EFNB3: variants seen among roughly 807,000 people sequenced by gnomAD.
EFNB3 encodes the protein ephrin-B3.
Under a neutral mutation model 29.8 loss-of-function variants are expected in EFNB3, and 14 were observed. That is an observed-to-expected ratio of 0.47 (90% CI 0.31 to 0.73). The LOEUF (loss-of-function observed/expected upper bound fraction) is 0.73, where lower values mean the gene tolerates loss of function less well. EFNB3 is among the 30% of genes least tolerant of loss of function. The pLI is 0.05. For synonymous variants in EFNB3, 216 were observed against 191.6 expected, an observed-to-expected ratio of 1.13 and a Z score of -1.05; for missense variants, 408 against 458.0, an observed-to-expected ratio of 0.89 and a Z score of 1.00.
In EFNB3 at chr17:7,710,715, G is replaced by A. The variant is rs1279313016; in HGVS notation, c.*1139G>A. 3 of 152,648 alleles carry A rather than the reference G, an allele frequency of 2.0e-5. No individual in the cohort carries two copies. The highest frequency in any genetic ancestry group is 2.9e-5 in the Non-Finnish European group (2 of 68,076). The allele number at this position is 152,648 out of a possible 1,614,324, so 9.5% of individuals were successfully genotyped here. On this transcript the variant is annotated 3_prime_UTR_variant, in exon 5 of 5. Coordinates refer to ENST00000226091, the MANE Select transcript of EFNB3 (RefSeq NM_001406.4). ...AGAAGGACTTTTCCCAGTCTTCAGT[G>A]GCACTTCCCAAGATCTCCCTTCCCT...
chr17:7,708,516 G>A lies in EFNB3; in HGVS notation c.497G>A (p.Arg166Gln), dbSNP rs1165640333. The A allele has an allele frequency of 4.3e-6, 7 of 1,613,700 alleles. No individual in the cohort carries two copies. Among genetic ancestry groups the A allele is most frequent in the East Asian group, 2.2e-5 (1 of 44,868 alleles). ...ACCAGAGGCATGAAGGTGCTTCTCC[G>A]AGTGGGACAAAGTGAGTGGGGCTGG... The part of the protein sequence containing the change: ...CLTRGMKVLL[R>Q]VGQSPRGGAV... Residue 166 changes from arginine (R) to glutamine (Q), a missense_variant, in exon 3 of 5, where the codon CGA becomes CAA. Arg to Gln is a conservative substitution (Grantham distance 43). This residue lies in a region of EFNB3 where 47 missense variants were observed against 86.6 expected (regional missense o/e 0.54). Transcript: ENST00000226091. This position sits in a 1 kb window ranked among gnomAD's most constrained non-coding sequence, Gnocchi z 6.8.
chr17:7,707,114 G>C (rs567991197), intron 1 of EFNB3, among the ~76,000 whole-genome samples: 1 of 152,212 alleles, frequency 6.6e-6, no homozygotes, highest in East Asian at 1.9e-4. Context: ...CAGTCCCCTG[G>C]GACCCAGTCC....
In EFNB3 at chr17:7,708,749, A is replaced by G; in HGVS notation, c.613+10A>G. 1 of 1,547,728 alleles carries G rather than the reference A, an allele frequency of 6.5e-7. No homozygotes were observed. Among genetic ancestry groups the G allele is most frequent in the East Asian group, 2.4e-5 (1 of 41,104 alleles). ...AAGGAGAACCTGCCAGGTAGGAACC[A>G]GGGGCTAGGCCCCTGCCTTCCCCAG... On this transcript the variant is annotated intron_variant, in intron 4 of 4. Coordinates refer to ENST00000226091, the MANE Select transcript of EFNB3 (RefSeq NM_001406.4). The surrounding 1 kb of genome is among the most constrained non-coding windows in gnomAD (Gnocchi z 6.8).
chr17:7,710,720 T>C lies in EFNB3; in HGVS notation c.*1144T>C, dbSNP rs1027217765. 6.5e-6 allele frequency: 1 copy of C among 152,706 alleles called. No individual in the cohort carries two copies. The highest frequency in any genetic ancestry group is 2.4e-5 in the African/African-American group (1 of 41,456). 9.5% of individuals were successfully genotyped at this position (152,706 alleles called of 1,614,324 possible). A position where few individuals can be genotyped will look rare whatever the true frequency, so the allele number is the denominator to read the frequency against. On this transcript the variant is annotated 3_prime_UTR_variant, in exon 5 of 5. Transcript: ENST00000226091. The stretch of plus-strand genomic sequence containing the variant: ...GACTTTTCCCAGTCTTCAGTGGCAC[T>C]TCCCAAGATCTCCCTTCCCTTGTGC...
At position 7,709,554 on chromosome 17, in the gene EFNB3, C is replaced by G. The variant is rs775940145; in HGVS notation, c.1001C>G (p.Pro334Arg). Residue 334 changes from proline (P) to arginine (R), a missense_variant, in exon 5 of 5, where the codon CCA (proline) becomes CGA (arginine). Physicochemically the swap from Pro to Arg is moderately radical, Grantham distance 103. Around this residue, in one of 3 missense-constraint regions of EFNB3, gnomAD observed 233 missense variants for 230.7 expected, o/e 1.01. Coordinates refer to ENST00000226091, the MANE Select transcript of EFNB3 (RefSeq NM_001406.4). This position sits in a 1 kb window ranked among gnomAD's most constrained non-coding sequence, Gnocchi z 4.5. ...CAGGATGGGCCCCCCCAGAGCCCTC[C>G]AAACATCTACTACAAGGTATGAGGG... ...IVQDGPPQSP[P>R]NIYYKV 1 of 1,613,928 alleles carries G rather than the reference C, an allele frequency of 6.2e-7. No individual in the cohort carries two copies. The highest frequency in any genetic ancestry group is 1.1e-5 in the South Asian group (1 of 91,070).
rs117584963 is a variant in EFNB3, at chr17:7,706,873, C to T, written c.123-1085C>T. ...GCCTCCCTCACACTTCTCTGCTCTG[C>T]CATCCCTCCCTCTCTTTTCCCTGGA... On this transcript the variant is annotated intron_variant, in intron 1 of 4. Transcript: ENST00000226091. Among the ~76,000 whole-genome samples, 1,113 of 152,320 alleles carry T rather than the reference C, an allele frequency of 7.3e-3. 5 individuals carry two copies. Among genetic ancestry groups the T allele is most frequent in the Non-Finnish European group, 8.1e-3 (553 of 68,036 alleles).
chr17:7,708,169 C>T lies in EFNB3; in HGVS notation c.334C>T (p.Arg112Cys). 1.2e-6 allele frequency: 2 copies of T among 1,613,768 alleles called. No individual in the cohort carries two copies. The highest frequency in any genetic ancestry group is 1.7e-6 in the Non-Finnish European group (2 of 1,180,018). ...TTGTGATCGCCCAGACCTGGATCTC[C>T]GCTTCACCATCAAGTTCCAGGAGTA... ...LTCDRPDLDL[R>C]FTIKFQEYSP... is the part of the protein sequence containing the mutation. Residue 112 changes from arginine (R) to cysteine (C), a missense_variant, in exon 2 of 5, where the codon CGC becomes TGC. Physicochemically the swap from Arg to Cys is radical, Grantham distance 180. Around this residue, in one of 3 missense-constraint regions of EFNB3, gnomAD observed 47 missense variants for 86.6 expected, o/e 0.54. Transcript: ENST00000226091. This position sits in a 1 kb window ranked among gnomAD's most constrained non-coding sequence, Gnocchi z 6.8.
rs1252525016 is a variant in EFNB3 at position 7,710,463 on chromosome 17, G to A, written c.*887G>A. Reference sequence around the variant, plus strand: ...ACCAGGCCCGGACAGAAATGGCCTGGGAAGTAGCAGAAGCAGTGCAGCAGG... The same window carrying A: ...ACCAGGCCCGGACAGAAATGGCCTGAGAAGTAGCAGAAGCAGTGCAGCAGG... On this transcript the variant is annotated 3_prime_UTR_variant, in exon 5 of 5. Coordinates refer to ENST00000226091, the MANE Select transcript of EFNB3 (RefSeq NM_001406.4). 1 of 152,760 alleles carries A rather than the reference G, an allele frequency of 6.5e-6. No homozygotes were observed. The highest frequency in any genetic ancestry group is 2.4e-5 in the African/African-American group (1 of 41,458). The allele number at this position is 152,760 out of a possible 1,614,324, so 9.5% of individuals were successfully genotyped here. A position where few individuals can be genotyped will look rare whatever the true frequency, so the allele number is the denominator to read the frequency against.
At position 7,708,259 on chromosome 17, in the gene EFNB3, G is replaced by A; in HGVS notation, c.415+9G>A. 4.4e-6 allele frequency: 7 copies of A among 1,607,442 alleles called. No homozygotes were observed. The highest frequency in any genetic ancestry group is 5.9e-6 in the Non-Finnish European group (7 of 1,178,644). ...CGATTACTACATCATTGGTACTGCT[G>A]GGCAGAGGGCACGATTGAGTGGGGG... On this transcript the variant is annotated intron_variant, in intron 2 of 4. Transcript: ENST00000226091. The surrounding 1 kb of genome is among the most constrained non-coding windows in gnomAD (Gnocchi z 6.8).
intron 1 of EFNB3, among the ~76,000 whole-genome samples, chr17:7,707,068 GTGGGACACTTGGGAGTC>G (rs2074329920): frequency 6.6e-6 from 1 of 152,176 alleles, no homozygotes; most frequent in Non-Finnish European, 1.5e-5. Context: ...TGGGGTGGGA[GTGGGACACTTGGGAGTC>G]TGGGAAGATA....
chr17:7,708,344 G>A lies in EFNB3; in HGVS notation c.416-91G>A. Reference sequence around the variant, plus strand: ...CTGCAGCCAAGAGGGAGATCCCAGTGCCCTCAGGCAGTGTTCACACCAGGG... The same window carrying A: ...CTGCAGCCAAGAGGGAGATCCCAGTACCCTCAGGCAGTGTTCACACCAGGG... On this transcript the variant is annotated intron_variant, in intron 2 of 4. Coordinates refer to ENST00000226091, the MANE Select transcript of EFNB3 (RefSeq NM_001406.4). The surrounding 1 kb of genome is among the most constrained non-coding windows in gnomAD (Gnocchi z 6.8). 2 of 1,581,548 alleles carry A rather than the reference G, an allele frequency of 1.3e-6. No individual in the cohort carries two copies. Among genetic ancestry groups the A allele is most frequent in the Non-Finnish European group, 1.7e-6 (2 of 1,161,894 alleles).
rs1245529213 is a variant in EFNB3 at position 7,708,929 on chromosome 17, C to T, written c.613+190C>T. Among the ~76,000 whole-genome samples, 2 of 152,180 alleles carry T rather than the reference C, an allele frequency of 1.3e-5. No individual in the cohort carries two copies. The highest frequency in any genetic ancestry group is 2.9e-5 in the Non-Finnish European group (2 of 68,028). ...AAAAGACTCAATTAGAACTAATTAGCCAAGTCAGTGCTTCAATCAGTGCTG... is the reference window on the plus strand; with the variant it reads ...AAAAGACTCAATTAGAACTAATTAGTCAAGTCAGTGCTTCAATCAGTGCTG... On this transcript the variant is annotated intron_variant, in intron 4 of 4. Transcript: ENST00000226091. This position sits in a 1 kb window ranked among gnomAD's most constrained non-coding sequence, Gnocchi z 6.8.
intron 1 of EFNB3, among the ~76,000 whole-genome samples, chr17:7,706,112 C>A (rs2074326887): frequency 6.7e-6 from 1 of 150,268 alleles, no homozygotes; most frequent in African/African-American, 2.5e-5. Context: ...GAGGGGAAGG[C>A]AGGGCAGGGT....
chr17:7,707,786 G>A (rs1033410614), intron 1 of EFNB3, among the ~76,000 whole-genome samples, 172 bp from the exon 2 acceptor site: 1 of 152,204 alleles, frequency 6.6e-6, no homozygotes, highest in African/African-American at 2.4e-5. Flanking sequence ...CAATGTGAAT[G>A]CACAGAGTCC....
In EFNB3 at chr17:7,705,483, G is replaced by A. The variant is rs2074324131; in HGVS notation, c.-116G>A. On this transcript the variant is annotated 5_prime_UTR_variant, in exon 1 of 5. Coordinates refer to ENST00000226091, the MANE Select transcript of EFNB3 (RefSeq NM_001406.4). The surrounding 1 kb of genome is among the most constrained non-coding windows in gnomAD (Gnocchi z 5.4). ...GGAAGCAGGTCCGCGTGGGCGCTGG[G>A]GGCATCAGCTACCGGGGTGGTCCGG... is the stretch of plus-strand genomic sequence containing the variant. The A allele has an allele frequency of 5.4e-6, 3 of 553,658 alleles. No individual in the cohort carries two copies. Among genetic ancestry groups the A allele is most frequent in the Non-Finnish European group, 9.1e-6 (3 of 330,312 alleles). 34.3% of individuals were successfully genotyped at this position (553,658 alleles called of 1,614,324 possible). A position where few individuals can be genotyped will look rare whatever the true frequency, so the allele number is the denominator to read the frequency against.
Position 7,708,316 on chromosome 17 carries a change from C to A in EFNB3, c.415+66C>A. On this transcript the variant is annotated intron_variant, in intron 2 of 4. Transcript: ENST00000226091. This position sits in a 1 kb window ranked among gnomAD's most constrained non-coding sequence, Gnocchi z 6.8. Reference sequence around the variant, plus strand: ...GATACTGAGCAGAGAGGGAGGGGGACCCCTGCAGCCAAGAGGGAGATCCCA... The same window carrying A: ...GATACTGAGCAGAGAGGGAGGGGGAACCCTGCAGCCAAGAGGGAGATCCCA... 1 of 1,584,376 alleles carries A rather than the reference C, an allele frequency of 6.3e-7. No homozygotes were observed. The highest frequency in any genetic ancestry group is 8.6e-7 in the Non-Finnish European group (1 of 1,164,104).
chr17:7,707,944 C>G lies in EFNB3; in HGVS notation c.123-14C>G. ...GACATCTCTTCCTTGTCCACCTTAC[C>G]CTCCTCCCCATAGGTTCCAGGCAGA... is the stretch of plus-strand genomic sequence containing the variant. On this transcript the variant is annotated splice_polypyrimidine_tract_variant and intron_variant, in intron 1 of 4. Coordinates refer to ENST00000226091, the MANE Select transcript of EFNB3 (RefSeq NM_001406.4). The G allele has an allele frequency of 6.3e-7, 1 of 1,595,536 alleles. No individual in the cohort carries two copies. The highest frequency in any genetic ancestry group is 2.2e-5 in the East Asian group (1 of 44,682).
rs1168556363 is a variant in EFNB3 at position 7,709,767 on chromosome 17, T to C, written c.*191T>C. ...ATTCCCACTGCCCCACTTCCTGCCC[T>C]CCCGTTTGGCCATGGGTGCCCCCCT... is the stretch of plus-strand genomic sequence containing the variant. On this transcript the variant is annotated 3_prime_UTR_variant, in exon 5 of 5. Transcript: ENST00000226091. The surrounding 1 kb of genome is among the most constrained non-coding windows in gnomAD (Gnocchi z 4.5). 8.9e-6 allele frequency: 6 copies of C among 671,720 alleles called. No individual in the cohort carries two copies. In the East Asian group the frequency reaches 1.7e-4, roughly 19 times the overall value. 41.6% of individuals were successfully genotyped at this position (671,720 alleles called of 1,614,324 possible). A position where few individuals can be genotyped will look rare whatever the true frequency, so the allele number is the denominator to read the frequency against.
chr17:7,708,053 C>T lies in EFNB3; in HGVS notation c.218C>T (p.Ser73Phe). 6.2e-7 allele frequency: 1 copy of T among 1,614,092 alleles called. No individual in the cohort carries two copies. The highest frequency in any genetic ancestry group is 8.5e-7 in the Non-Finnish European group (1 of 1,180,002). Reference sequence around the variant, plus strand: ...GCCCGGCCTCCTGGCCCTCACTCCTCTCCTAATTATGAGTTCTACAAGCTG... The same window carrying T: ...GCCCGGCCTCCTGGCCCTCACTCCTTTCCTAATTATGAGTTCTACAAGCTG... ...PRARPPGPHSSPNYEFYKLYL... is the reference protein window; with the variant it reads ...PRARPPGPHSFPNYEFYKLYL... Residue 73 changes from serine to phenylalanine, a missense_variant, in exon 2 of 5, where the codon TCT (serine) becomes TTT (phenylalanine). By Grantham distance (155) the Ser-to-Phe change is radical. Coordinates refer to ENST00000226091, the MANE Select transcript of EFNB3 (RefSeq NM_001406.4). The surrounding 1 kb of genome is among the most constrained non-coding windows in gnomAD (Gnocchi z 6.8).
Sources: gnomAD v4.1 joint callset for allele counts (sites outside exome capture counted in the v4.1 genomes callset) on GRCh38, gnomAD v4.1.1 for gene constraint, gnomAD v4.1.1 regional missense constraint, Gnocchi (gnomAD v3.1) non-coding constraint, MANE v1.5 for transcripts, NCBI Gene and HGNC (gene_info 2026-07-23, HGNC 2026-07-21) for gene names.